Variants in CPQ observed in about 807,000 individuals in gnomAD.
The protein encoded by CPQ is Ser-Met dipeptidase.
A neutral mutation model predicts 45.7 loss-of-function variants in CPQ; 37 were observed. The observed-to-expected ratio is 0.81, with a 90% confidence interval of 0.62 to 1.07. The LOEUF is 1.07. Among genes scored for constraint, CPQ ranks in the 50% least tolerant of loss-of-function variants. The pLI is 0.00. For synonymous variants in CPQ, 186 were observed against 205.8 expected (o/e 0.90, Z 0.82); for missense variants, 537 against 572.9 (o/e 0.94, Z 0.64).
intron 5 of CPQ, among the ~76,000 whole-genome samples, chr8:96,990,930 C>T (rs766057514): frequency 2.6e-5 from 4 of 152,106 alleles, no homozygotes; most frequent in Admixed American, 6.6e-5. Flanking sequence ...CTTGTTAGCT[C>T]CTTATTTAAA....
At chr8:96,912,908 C>T (rs72664522) in intron 4 of CPQ, among the ~76,000 whole-genome samples, 38,895 of 152,086 alleles carry the variant, frequency 0.26, 6,147 homozygotes, top group Non-Finnish European at 0.35. Flanking sequence ...TTCTGCTGAG[C>T]AGAATCTGCA....
chr8:96,792,360 G>A (rs893408736), intron 2 of CPQ, among the ~76,000 whole-genome samples: 18 of 152,180 alleles, frequency 1.2e-4, no homozygotes, highest in Non-Finnish European at 1.8e-4. Context: ...AGGAACTTGG[G>A]CAGACTATGC....
At chr8:96,931,433 T>C (rs1812973770) in intron 4 of CPQ, among the ~76,000 whole-genome samples, 1 of 151,284 alleles carries the variant, frequency 6.6e-6, no homozygotes, top group Admixed American at 6.6e-5. Context: ...TTTTTGTTTT[T>C]GTTTTTTTAT....
At chr8:97,117,728 G>A (rs976220895) in intron 7 of CPQ, among the ~76,000 whole-genome samples, 2 of 151,800 alleles carry the variant, frequency 1.3e-5, no homozygotes, top group African/African-American at 4.8e-5. Context: ...TTGTAGAGAC[G>A]AGGTCTCATC....
intron 2 of CPQ, among the ~76,000 whole-genome samples, chr8:96,831,748 T>G (rs1370298171): frequency 6.6e-6 from 1 of 152,134 alleles, no homozygotes; most frequent in Non-Finnish European, 1.5e-5. Context: ...ATGGCTCACA[T>G]CTGTTATTGG....
chr8:96,654,999 T>A (rs1438224819), intron 1 of CPQ, among the ~76,000 whole-genome samples: 2 of 152,134 alleles, frequency 1.3e-5, no homozygotes, highest in Non-Finnish European at 2.9e-5. Context: ...GCAGGTATCC[T>A]TTCTCCTCAA....
At chr8:96,824,687 A>G (rs1811354480) in intron 2 of CPQ, among the ~76,000 whole-genome samples, 1 of 152,000 alleles carries the variant, frequency 6.6e-6, no homozygotes, top group African/African-American at 2.4e-5. Context: ...TAATATTTCT[A>G]TTACCATAGC....
intron 6 of CPQ, among the ~76,000 whole-genome samples, chr8:97,042,293 C>T (rs1025692493): frequency 2.0e-5 from 3 of 151,994 alleles, no homozygotes; most frequent in Non-Finnish European, 4.4e-5. Context: ...GTAGTATTCT[C>T]TGATGGTAGT....
chr8:96,801,806 C>A (rs562313863), intron 2 of CPQ, among the ~76,000 whole-genome samples: 319 of 152,158 alleles, frequency 2.1e-3, no homozygotes, highest in Non-Finnish European at 3.7e-3. Flanking sequence ...TCCTCTCTGC[C>A]TTCTCTTTAG....
At chr8:96,894,615 T>A (rs1812420261) in intron 4 of CPQ, among the ~76,000 whole-genome samples, 1 of 152,220 alleles carries the variant, frequency 6.6e-6, no homozygotes, top group South Asian at 2.1e-4. Context: ...AGAGTGACTT[T>A]GAGTCTGCAA....
intron 1 of CPQ, among the ~76,000 whole-genome samples, chr8:96,736,939 G>T (rs187035436): frequency 6.6e-6 from 1 of 151,978 alleles, no homozygotes; most frequent in African/African-American, 2.4e-5. Flanking sequence ...TTTAATATCT[G>T]CTACATCTGT....
chr8:97,018,691 G>T (rs1809623384), intron 5 of CPQ, among the ~76,000 whole-genome samples: 1 of 152,036 alleles, frequency 6.6e-6, no homozygotes, highest in Non-Finnish European at 1.5e-5. Context: ...AAAGAAAAAA[G>T]AATAAGAAAA....
intron 7 of CPQ, among the ~76,000 whole-genome samples, chr8:97,107,103 T>C (rs1357352732): frequency 6.6e-6 from 1 of 152,162 alleles, no homozygotes. Flanking sequence ...AGGATCTTTT[T>C]TTCAAAAAGG....
chr8:96,859,529 G>A (rs2319936), intron 3 of CPQ, among the ~76,000 whole-genome samples: 78,047 of 151,996 alleles, frequency 0.51, 20,578 homozygotes, highest in African/African-American at 0.62. Context: ...AGGGTGGCAA[G>A]TGTCCCTGAA....
intron 2 of CPQ, among the ~76,000 whole-genome samples, chr8:96,832,126 T>C (rs1015735071): frequency 1.3e-5 from 2 of 152,196 alleles, no homozygotes; most frequent in African/African-American, 2.4e-5. Context: ...TTGTTTCTCA[T>C]AGCTGATAGG....
intron 4 of CPQ, among the ~76,000 whole-genome samples, chr8:96,919,081 G>A (rs1298972714): frequency 6.6e-6 from 1 of 151,932 alleles, no homozygotes; most frequent in Non-Finnish European, 1.5e-5. Context: ...TCCTGTATCT[G>A]CTTGACATCT....
In CPQ at chr8:97,089,156, T is replaced by C. The variant is rs150570051; in HGVS notation, c.1255+22946T>C. On this transcript the variant is annotated intron_variant, in intron 7 of 7. Transcript: ENST00000220763. ...TACTCAGGAGGCTGAGACAAGAGAA[T>C]CACCTGAACCCGGGAGGCGGAGGTT... 5.3e-3 allele frequency among the ~76,000 whole-genome samples: 775 copies of C among 146,206 alleles called. 8 individuals are homozygous for C. The highest frequency in any genetic ancestry group is 0.019 in the African/African-American group (748 of 38,988).
At chr8:96,904,316 CAGAT>C (rs1242892404) in intron 4 of CPQ, among the ~76,000 whole-genome samples, 5 of 152,224 alleles carry the variant, frequency 3.3e-5, no homozygotes, top group African/African-American at 1.2e-4. Context: ...AGGTGATCCA[CAGAT>C]AGAGAATACA....
intron 6 of CPQ, among the ~76,000 whole-genome samples, chr8:97,046,296 G>A (rs186464147): frequency 1.3e-4 from 19 of 148,708 alleles, no homozygotes; most frequent in Non-Finnish European, 2.5e-4. Context: ...GACCTCTCTC[G>A]TGTACTCTCA....
Sources: allele counts gnomAD v4.1 joint callset (sites outside exome capture counted in the v4.1 genomes callset), GRCh38; gene constraint gnomAD v4.1.1; transcripts MANE v1.5; gene names NCBI Gene and HGNC (gene_info 2026-07-23, HGNC 2026-07-21).